ENPEP: variants seen among roughly 807,000 people sequenced by gnomAD.
ENPEP encodes the protein AP-A.
In ENPEP, 103 loss-of-function variants were observed where a neutral mutation model predicts 114.5. That is an observed-to-expected ratio of 0.90 (90% CI 0.77 to 1.06). ENPEP has a LOEUF of 1.06. Ranked by LOEUF, ENPEP falls within the 50% of genes least tolerant of loss-of-function variation. The probability of loss-of-function intolerance (pLI) is 0.00; values close to 1 mark genes in which losing one functional copy is unlikely to be tolerated. For synonymous variants in ENPEP, 420 were observed against 422.0 expected, an observed-to-expected ratio of 1.00 and a Z score of 0.06; for missense variants, 1,196 against 1,161.3, an observed-to-expected ratio of 1.03 and a Z score of -0.43.
chr4:110,509,279 G>A (rs1196828338), intron 4 of ENPEP, among the ~76,000 whole-genome samples: 1 of 152,152 alleles, frequency 6.6e-6, no homozygotes, highest in Admixed American at 6.5e-5. Flanking sequence ...CTATACACTT[G>A]GAAGCTCAGA....
intron 10 of ENPEP, among the ~76,000 whole-genome samples, chr4:110,524,742 T>C (rs1343264416): frequency 6.6e-6 from 1 of 152,148 alleles, no homozygotes; most frequent in Non-Finnish European, 1.5e-5. Flanking sequence ...TTTCTCTACT[T>C]TGCCAAATGT....
intron 18 of ENPEP, among the ~76,000 whole-genome samples, chr4:110,557,432 C>T (rs1410625837): frequency 1.3e-5 from 2 of 152,162 alleles, no homozygotes; most frequent in Non-Finnish European, 2.9e-5. Flanking sequence ...CAGAATGTAT[C>T]ATTAAATGCG....
In ENPEP at chr4:110,563,443, A is replaced by G. The variant is rs1727739511; in HGVS notation, c.*1885A>G. On this transcript the variant is annotated 3_prime_UTR_variant, in exon 20 of 20. Transcript: ENST00000265162. ...CTTCTTTTCACTCCACACGCGAAAG[A>G]GTTGTATGTACTTTGTCAGAATAAG... 1 of 152,166 alleles carries G rather than the reference A, an allele frequency of 6.6e-6. No individual in the cohort carries two copies. 9.4% of individuals were successfully genotyped at this position (152,166 alleles called of 1,614,324 possible).
intron 13 of ENPEP, among the ~76,000 whole-genome samples, chr4:110,543,692 C>A (rs985391842): frequency 2.6e-5 from 4 of 151,726 alleles, no homozygotes; most frequent in Non-Finnish European, 5.9e-5. Context: ...ATTTAACAAG[C>A]ATTTATTGAG....
intron 13 of ENPEP, among the ~76,000 whole-genome samples, chr4:110,543,641 A>G (rs1726937282): frequency 6.6e-6 from 1 of 151,448 alleles, no homozygotes; most frequent in Admixed American, 6.6e-5. Context: ...TATCCATGGT[A>G]CCTCTATTTT....
At position 110,554,626 on chromosome 4, in the gene ENPEP, G is replaced by T. The variant is rs550059428; in HGVS notation, c.2642+1171G>T. Among the ~76,000 whole-genome samples the T allele has an allele frequency of 2.0e-5, 3 of 152,076 alleles. No individual in the cohort carries two copies. In the South Asian group the frequency reaches 6.2e-4, roughly 31 times the overall value. On this transcript the variant is annotated intron_variant, in intron 18 of 19. Coordinates refer to ENST00000265162, the MANE Select transcript of ENPEP (RefSeq NM_001977.4). ...ATGAAATGCTTAATTTAGAATGAAT[G>T]AATATACCTATTAAGAATATGTTAT...
At chr4:110,524,178 A>G (rs991100344) in intron 10 of ENPEP, among the ~76,000 whole-genome samples, 1 of 152,208 alleles carries the variant, frequency 6.6e-6, no homozygotes, top group African/African-American at 2.4e-5. Flanking sequence ...TATTGTCTAA[A>G]TAAAACAACA....
At chr4:110,505,248 C>T (rs990284236) in intron 3 of ENPEP, among the ~76,000 whole-genome samples, 2 of 152,102 alleles carry the variant, frequency 1.3e-5, no homozygotes, top group South Asian at 2.1e-4. Flanking sequence ...GGAGGGTAAT[C>T]CAAACAGTTT....
chr4:110,558,632 G>A (rs1480722373), intron 18 of ENPEP, among the ~76,000 whole-genome samples: 2 of 152,056 alleles, frequency 1.3e-5, no homozygotes, highest in Non-Finnish European at 2.9e-5. Flanking sequence ...TCCTATTGCT[G>A]TGTACATATT....
chr4:110,493,042 C>A (rs1345850560), intron 3 of ENPEP, among the ~76,000 whole-genome samples: 1 of 152,160 alleles, frequency 6.6e-6, no homozygotes, highest in African/African-American at 2.4e-5. Flanking sequence ...ATGCATTTAA[C>A]CAATCAGCAG....
rs574734681 is a variant in ENPEP at position 110,518,310 on chromosome 4, T to C, written c.1510-1698T>C. Among the ~76,000 whole-genome samples the C allele has an allele frequency of 1.4e-4, 22 of 152,306 alleles. 1 individual carries two copies. In the South Asian group the frequency reaches 2.7e-3, roughly 19 times the overall value. On this transcript the variant is annotated intron_variant, in intron 8 of 19. Coordinates refer to ENST00000265162, the MANE Select transcript of ENPEP (RefSeq NM_001977.4). Reference sequence around the variant, plus strand: ...TCCTTTCTTTTTCTTCTAGTATCAGTAGTACTGTCAATAAGACAGGAATGG... The same window carrying C: ...TCCTTTCTTTTTCTTCTAGTATCAGCAGTACTGTCAATAAGACAGGAATGG...
chr4:110,495,584 G>A (rs1052507647), intron 3 of ENPEP, among the ~76,000 whole-genome samples: 9 of 152,136 alleles, frequency 5.9e-5, no homozygotes, highest in Admixed American at 4.6e-4. Flanking sequence ...AGCCGGGCGT[G>A]ATGGTGTGTG....
rs554683531 is a variant in ENPEP at position 110,517,431 on chromosome 4, A to C, written c.1509+1989A>C. Among the ~76,000 whole-genome samples, 10 of 152,338 alleles carry C rather than the reference A, an allele frequency of 6.6e-5. No individual in the cohort carries two copies. The South Asian group carries it at 1.9e-3, about 28-fold the overall frequency. ...ATTTTCAAAAATTAAGTTAAAATTCAGTTTGTATAGTTTTGATTCTAAATT... is the reference window on the plus strand; with the variant it reads ...ATTTTCAAAAATTAAGTTAAAATTCCGTTTGTATAGTTTTGATTCTAAATT... On this transcript the variant is annotated intron_variant, in intron 8 of 19. Transcript: ENST00000265162.
At position 110,480,826 on chromosome 4, in the gene ENPEP, C is replaced by T. The variant is rs6847717; in HGVS notation, c.644+3768C>T. Among the ~76,000 whole-genome samples the T allele has an allele frequency of 4.6e-3, 695 of 152,258 alleles. 6 individuals are homozygous for T. The highest frequency in any genetic ancestry group is 0.016 in the African/African-American group (662 of 41,526). ...GGAGAAAGTTTGAGAAACATCCAGTCGCTTTTCCTTTATCGATCTACCTCT... is the reference window on the plus strand; with the variant it reads ...GGAGAAAGTTTGAGAAACATCCAGTTGCTTTTCCTTTATCGATCTACCTCT... On this transcript the variant is annotated intron_variant, in intron 1 of 19. Transcript: ENST00000265162.
In ENPEP at chr4:110,548,326, G is replaced by A; in HGVS notation, c.2151G>A (p.Glu717=). Residue 717 remains glutamate, a splice_region_variant and synonymous_variant, in exon 14 of 20, where the codon GAG becomes GAA. Transcript: ENST00000265162. The part of the protein sequence containing the change: ...EDDKELYPMI[E]EYFQGQVKPI... ...ATAAAGAGCTATATCCTATGATTGA[G>A]GTGACGTTAATGCTATGGTATCTTA... 1 of 1,569,252 alleles carries A rather than the reference G, an allele frequency of 6.4e-7. No individual in the cohort carries two copies. Among genetic ancestry groups the A allele is most frequent in the Non-Finnish European group, 8.6e-7 (1 of 1,160,004 alleles).
intron 3 of ENPEP, among the ~76,000 whole-genome samples, chr4:110,502,206 C>A (rs984712248): frequency 3.9e-5 from 6 of 152,148 alleles, no homozygotes; most frequent in Admixed American, 1.3e-4. Context: ...GCATAGTTTG[C>A]AAATATTTTC....
chr4:110,511,353 T>G (rs1042528687), intron 6 of ENPEP, among the ~76,000 whole-genome samples: 1 of 152,186 alleles, frequency 6.6e-6, no homozygotes, highest in Non-Finnish European at 1.5e-5. Flanking sequence ...ATAGGATACT[T>G]AGCATCCCAG....
At chr4:110,546,725 A>G (rs1254647920) in intron 13 of ENPEP, among the ~76,000 whole-genome samples, 1 of 152,118 alleles carries the variant, frequency 6.6e-6, no homozygotes, top group East Asian at 1.9e-4. Context: ...AGAACTCTAT[A>G]AGCAACTTTT....
intron 11 of ENPEP, 36 bp downstream of exon 11, chr4:110,531,313 T>C (rs920500147): frequency 7.3e-7 from 1 of 1,368,410 alleles, no homozygotes; most frequent in African/African-American, 1.5e-5. Flanking sequence ...CTTCTTTGAA[T>C]TGATGTACCA....
Sources: gnomAD v4.1 joint callset for allele counts (sites outside exome capture counted in the v4.1 genomes callset) on GRCh38, gnomAD v4.1.1 for gene constraint, MANE v1.5 for transcripts, NCBI Gene and HGNC (gene_info 2026-07-23, HGNC 2026-07-21) for gene names.